ART3: variants seen among roughly 807,000 people sequenced by gnomAD.
The protein encoded by ART3 is ADP-ribosyltransferase 3 (inactive).
Under a neutral mutation model 48.5 loss-of-function variants are expected in ART3, and 49 were observed. That is an observed-to-expected ratio of 1.01 (90% CI 0.80 to 1.28). The LOEUF is 1.28. Among genes scored for constraint, ART3 ranks in the 50% most tolerant of loss-of-function variants. ART3 has a pLI of 0.00. For missense variants in ART3, 438 were observed against 454.3 expected (o/e 0.96, Z 0.33); for synonymous variants, 145 against 157.2 (o/e 0.92, Z 0.58).
At chr4:76,089,356 A>G (rs867032915) in intron 3 of ART3, among the ~76,000 whole-genome samples, 5 of 149,760 alleles carry the variant, frequency 3.3e-5, no homozygotes, top group African/African-American at 1.3e-4. Flanking sequence ...GAAGGAGGTG[A>G]TTGGATCATG....
chr4:76,034,567 G>C (rs1330889971), intron 1 of ART3: 1 of 573,988 alleles, frequency 1.7e-6, no homozygotes, highest in Non-Finnish European at 3.0e-6. Context: ...ACTCCTTTGG[G>C]CAGTGGAATT....
intron 1 of ART3, chr4:76,012,270 AGAG>A (rs770410630): frequency 3.3e-5 from 5 of 152,116 alleles, no homozygotes; most frequent in African/African-American, 9.7e-5. Context: ...TTTACTTGTG[AGAG>A]GAGAAGTTTC....
intron 2 of ART3, among the ~76,000 whole-genome samples, chr4:76,080,953 T>C (rs1722326002): frequency 6.6e-6 from 1 of 152,206 alleles, no homozygotes; most frequent in South Asian, 2.1e-4. Context: ...CCACCCTGCT[T>C]CTTATGTTAT....
intron 3 of ART3, 74 bp downstream of exon 3, chr4:76,082,609 A>G (rs1351388827): frequency 7.9e-7 from 1 of 1,265,618 alleles, no homozygotes; most frequent in Non-Finnish European, 1.1e-6. Flanking sequence ...AAGGTCAGTG[A>G]AAGGAGAGTG....
At chr4:76,077,465 T>C (rs182248399) in intron 2 of ART3, among the ~76,000 whole-genome samples, 1 of 152,348 alleles carries the variant, frequency 6.6e-6, no homozygotes, top group Admixed American at 6.5e-5. Flanking sequence ...AATAGTGGTG[T>C]TGTGAACATT....
chr4:76,046,658 A>ACC (rs1735525546), intron 1 of ART3, among the ~76,000 whole-genome samples: 1 of 151,982 alleles, frequency 6.6e-6, no homozygotes, highest in South Asian at 2.1e-4. Context: ...TCCCTCCTCA[A>ACC]GTAGGGGACA....
intron 8 of ART3, among the ~76,000 whole-genome samples, chr4:76,102,615 A>G (rs1727581206): frequency 7.4e-6 from 1 of 134,736 alleles, no homozygotes; most frequent in South Asian, 2.4e-4. Context: ...TACTCTTAAT[A>G]CAATGGTAAA....
At chr4:76,109,344 T>C (rs1729048525) in intron 11 of ART3, among the ~76,000 whole-genome samples, 1 of 152,098 alleles carries the variant, frequency 6.6e-6, no homozygotes, top group Admixed American at 6.5e-5. Flanking sequence ...ATCACTGTCT[T>C]GCACCTCCAC....
At chr4:76,026,311 T>A (rs914837508) in intron 1 of ART3, among the ~76,000 whole-genome samples, 1 of 152,090 alleles carries the variant, frequency 6.6e-6, no homozygotes. Context: ...TTTTAATTAG[T>A]GTAATGTCTG....
At chr4:76,111,447 C>T (rs1465278982) in intron 11 of ART3, among the ~76,000 whole-genome samples, 2 of 152,158 alleles carry the variant, frequency 1.3e-5, no homozygotes, top group African/African-American at 4.8e-5. Flanking sequence ...ATGATGTAAA[C>T]TTTGGGTATT....
At chr4:76,021,924 C>A in intron 1 of ART3, 1 of 1,611,676 alleles carries the variant, frequency 6.2e-7, no homozygotes, top group South Asian at 1.1e-5. Context: ...TTGCTCCCCT[C>A]TGGTTTTAAG....
intron 1 of ART3, among the ~76,000 whole-genome samples, chr4:76,039,273 T>G (rs1560589118): frequency 6.6e-6 from 1 of 152,288 alleles, no homozygotes; most frequent in Admixed American, 6.5e-5. Context: ...CCAATTTTTG[T>G]ATTTTTAGTA....
At chr4:76,072,229 C>G (rs2149507661), upstream of ART3, among the ~76,000 whole-genome samples, 1 of 152,316 alleles carries the variant, frequency 6.6e-6, no homozygotes, top group Admixed American at 6.5e-5. Context: ...CTTTATAGAT[C>G]ATTTCCATTT....
At chr4:76,043,597 C>T (rs1735200549) in intron 1 of ART3, among the ~76,000 whole-genome samples, 1 of 152,154 alleles carries the variant, frequency 6.6e-6, no homozygotes, top group South Asian at 2.1e-4. Flanking sequence ...GCCCACCAAG[C>T]CCACGCCCAC....
At chr4:76,108,524 T>G (rs77634744) in intron 11 of ART3, among the ~76,000 whole-genome samples, 4,830 of 151,536 alleles carry the variant, frequency 0.032, 215 homozygotes, top group African/African-American at 0.099. Flanking sequence ...AGGATATCTA[T>G]CCCTCTACCT....
intron 1 of ART3, among the ~76,000 whole-genome samples, chr4:76,042,487 T>G (rs1735058875): frequency 6.6e-6 from 1 of 152,140 alleles, no homozygotes; most frequent in Admixed American, 6.5e-5. Flanking sequence ...TGAAATAATA[T>G]AGATAGACTG....
rs975830678 is a variant in ART3 at position 76,100,213 on chromosome 4, A to G, written c.848-78A>G. ...CTTTATAGTCATATTTCCTGAAAAT[A>G]ATTTTGCTGTAGCAATAGTAACTGC... is the stretch of plus-strand genomic sequence containing the variant. On this transcript the variant is annotated intron_variant, in intron 5 of 11. Coordinates refer to ENST00000355810, the MANE Select transcript of ART3 (RefSeq NM_001130016.3). 3.7e-5 allele frequency: 52 copies of G among 1,416,832 alleles called. No individual in the cohort carries two copies. The Admixed American group carries it at 9.2e-4, about 25-fold the overall frequency. 87.8% of individuals were successfully genotyped at this position (1,416,832 alleles called of 1,614,324 possible).
chr4:76,026,426 A>C (rs1733391527), intron 1 of ART3, among the ~76,000 whole-genome samples: 1 of 152,230 alleles, frequency 6.6e-6, no homozygotes, highest in Non-Finnish European at 1.5e-5. Context: ...GAATCTTTAC[A>C]GACTTTAAGT....
intron 4 of ART3, 68 bp downstream of exon 4, chr4:76,097,744 C>A: frequency 2.4e-6 from 3 of 1,251,408 alleles, no homozygotes; most frequent in South Asian, 2.5e-5. Flanking sequence ...AGCTATGGGT[C>A]AGAGCTACCC....
Sources: allele counts gnomAD v4.1 joint callset (sites outside exome capture counted in the v4.1 genomes callset), GRCh38; gene constraint gnomAD v4.1.1; transcripts MANE v1.5; gene names NCBI Gene and HGNC (gene_info 2026-07-23, HGNC 2026-07-21).